Variants in ZFPL1 observed in about 807,000 individuals in gnomAD.
ZFPL1 encodes the protein zinc finger protein-like 1.
Under a neutral mutation model 32.0 loss-of-function variants are expected in ZFPL1, and 28 were observed. The ratio of observed to expected loss-of-function variants is 0.87; its 90% CI spans 0.65 to 1.20. ZFPL1 has a LOEUF of 1.20. Among genes scored for constraint, ZFPL1 ranks in the 50% most tolerant of loss-of-function variants. ZFPL1 has a pLI of 0.00. For missense variants in ZFPL1, 386 were observed against 424.8 expected, an observed-to-expected ratio of 0.91 and a Z score of 0.80; for synonymous variants, 165 against 177.0, an observed-to-expected ratio of 0.93 and a Z score of 0.54.
At chr11:65,085,687 C>T in intron 3 of ZFPL1, 1 of 227,408 alleles carries the variant, frequency 4.4e-6, no homozygotes, top group Non-Finnish European at 9.0e-6. Flanking sequence ...GGGTAAGAGC[C>T]TTAGCTCCAG....
chr11:65,087,905 T>C (rs757049892), intron 7 of ZFPL1, 23 bp from the exon 8 acceptor site: 7 of 1,539,908 alleles, frequency 4.5e-6, no homozygotes. Context: ...GGGCCTGACC[T>C]GATTTTCCCC....
chr11:65,085,843 ATG>A, intron 3 of ZFPL1: 1 of 194,722 alleles, frequency 5.1e-6, no homozygotes, highest in Admixed American at 5.3e-5. Context: ...GAATGGGTAA[ATG>A]TATGTATGTG....
chr11:65,087,365 C>T lies in ZFPL1; in HGVS notation c.678C>T (p.Leu226=). 6.2e-7 allele frequency: 1 copy of T among 1,614,090 alleles called. No homozygotes were observed. The highest frequency in any genetic ancestry group is 8.5e-7 in the Non-Finnish European group (1 of 1,180,006). Residue 226 remains leucine (L), a synonymous_variant, in exon 7 of 8, where the codon CTC becomes CTT. Coordinates refer to ENST00000294258, the MANE Select transcript of ZFPL1 (RefSeq NM_006782.4). ...DTRDDDRTPG[L]HGDCDDDKYR... ...GGGATGATGACCGGACACCAGGCCT[C>T]CATGGAGACTGTGACGATGACAAGT...
At position 65,086,595 on chromosome 11, in the gene ZFPL1, T is replaced by C; in HGVS notation, c.395T>C (p.Leu132Pro). 6.2e-7 allele frequency: 1 copy of C among 1,613,980 alleles called. No individual in the cohort carries two copies. The highest frequency in any genetic ancestry group is 8.5e-7 in the Non-Finnish European group (1 of 1,179,884). ...LATVNWARAG[L>P]GLPLIDEVVS... ...ACAGTCAACTGGGCCCGGGCAGGAC[T>C]GGGCCTCCCTCTGGTGAGAGTCCCT... Residue 132 changes from leucine to proline, a missense_variant, in exon 4 of 8, where the codon CTG becomes CCG. Leu to Pro is a moderately conservative substitution (Grantham distance 98). Coordinates refer to ENST00000294258, the MANE Select transcript of ZFPL1 (RefSeq NM_006782.4).
rs1947672272 is a variant in ZFPL1 at position 65,085,792 on chromosome 11, T to C, written c.214+566T>C. 4.5e-5 allele frequency: 9 copies of C among 197,992 alleles called. No individual in the cohort carries two copies. In the Admixed American group the frequency reaches 4.8e-4, roughly 11 times the overall value. The allele number at this position is 197,992 out of a possible 1,614,324, so 12.3% of individuals were successfully genotyped here. On this transcript the variant is annotated intron_variant, in intron 3 of 7. Transcript: ENST00000294258. ...CAGGCACTTAATGTACATTGTGTGT[T>C]TAAATGAGTGTTAGTGTGTTGATCT... is the stretch of plus-strand genomic sequence containing the variant.
Position 65,088,243 on chromosome 11 carries a change from C to T in ZFPL1, c.*129C>T. 11 of 1,279,796 alleles carry T rather than the reference C, an allele frequency of 8.6e-6. No individual in the cohort carries two copies. The highest frequency in any genetic ancestry group is 1.2e-5 in the Non-Finnish European group (11 of 927,508). 79.3% of individuals were successfully genotyped at this position (1,279,796 alleles called of 1,614,324 possible). On this transcript the variant is annotated 3_prime_UTR_variant, in exon 8 of 8. Transcript: ENST00000294258. ...AGCCTAAGACACTAAGACCCCAGACCCAAAGCCAAGTCCACCAGAGTGGCT... is the reference window on the plus strand; with the variant it reads ...AGCCTAAGACACTAAGACCCCAGACTCAAAGCCAAGTCCACCAGAGTGGCT...
intron 7 of ZFPL1, 109 bp downstream of exon 7, chr11:65,087,542 T>A: frequency 9.7e-7 from 1 of 1,026,828 alleles, no homozygotes; most frequent in Non-Finnish European, 1.5e-6. Context: ...TTCTGGGGAG[T>A]AACAGTACCT....
In ZFPL1 at chr11:65,087,447, G is replaced by A. The variant is rs775278800; in HGVS notation, c.746+14G>A. On this transcript the variant is annotated intron_variant, in intron 7 of 7. Transcript: ENST00000294258. ...CCGGCTGCTAAGGTACACAGGGTCA[G>A]GCAGGGCGGAATGCCAGGAAGGGGT... 3.1e-6 allele frequency: 5 copies of A among 1,613,162 alleles called. No homozygotes were observed. The East Asian group carries it at 6.7e-5, about 22-fold the overall frequency.
At position 65,087,954 on chromosome 11, in the gene ZFPL1, C is replaced by T. The variant is rs765473939; in HGVS notation, c.773C>T (p.Pro258Leu). Residue 258 changes from proline to leucine, a missense_variant, in exon 8 of 8, where the codon CCG (proline) becomes CTG (leucine). By Grantham distance (98) the Pro-to-Leu change is moderately conservative. Transcript: ENST00000294258. ...LRSRAGSRKR[P>L]LTLLQRAGLL... ...AGCCGGGCTGGGTCTCGGAAGCGGCCGCTGACCCTGCTCCAGCGGGCGGGG... is the reference window on the plus strand; with the variant it reads ...AGCCGGGCTGGGTCTCGGAAGCGGCTGCTGACCCTGCTCCAGCGGGCGGGG... 1.2e-5 allele frequency: 19 copies of T among 1,572,534 alleles called. No homozygotes were observed. Among genetic ancestry groups the T allele is most frequent in the Non-Finnish European group, 1.5e-5 (18 of 1,169,974 alleles).
At chr11:65,085,252 T>C (rs770883060) in intron 3 of ZFPL1, 26 bp downstream of exon 3, 6 of 1,605,600 alleles carry the variant, frequency 3.7e-6, no homozygotes, top group Non-Finnish European at 5.1e-6. Flanking sequence ...CTCGGGGGGA[T>C]CAGGCCAGCC....
At chr11:65,084,638 G>A in intron 1 of ZFPL1, 53 bp from the exon 2 acceptor site, 5 of 1,483,356 alleles carry the variant, frequency 3.4e-6, no homozygotes, top group Admixed American at 3.4e-5. Context: ...TGGTGAGAGC[G>A]TAGTGGTGGC....
Position 65,084,231 on chromosome 11 carries a change from G to A in ZFPL1, c.-156G>A. The A allele has an allele frequency of 3.4e-6, 2 of 582,600 alleles. No homozygotes were observed. Among genetic ancestry groups the A allele is most frequent in the Non-Finnish European group, 6.1e-6 (2 of 329,650 alleles). 36.1% of individuals were successfully genotyped at this position (582,600 alleles called of 1,614,324 possible). A position where few individuals can be genotyped will look rare whatever the true frequency, so the allele number is the denominator to read the frequency against. On this transcript the variant is annotated 5_prime_UTR_variant, in exon 1 of 8. Coordinates refer to ENST00000294258, the MANE Select transcript of ZFPL1 (RefSeq NM_006782.4). ...GCGCGCCGCACCCGGAAGAGACGTG[G>A]CAGCGGAGGGATAATCGGGGCGGCC...
In ZFPL1 at chr11:65,087,951, G is replaced by A. The variant is rs753950176; in HGVS notation, c.770G>A (p.Arg257Gln). 35 of 1,565,818 alleles carry A rather than the reference G, an allele frequency of 2.2e-5. No individual in the cohort carries two copies. Among genetic ancestry groups the A allele is most frequent in the Admixed American group, 8.3e-5 (4 of 48,470 alleles). ...AGGAGCCGGGCTGGGTCTCGGAAGCGGCCGCTGACCCTGCTCCAGCGGGCG... is the reference window on the plus strand; with the variant it reads ...AGGAGCCGGGCTGGGTCTCGGAAGCAGCCGCTGACCCTGCTCCAGCGGGCG... ...LLRSRAGSRKRPLTLLQRAGL... is the reference protein window; with the variant it reads ...LLRSRAGSRKQPLTLLQRAGL... Residue 257 changes from arginine to glutamine, a missense_variant, in exon 8 of 8, where the codon CGG becomes CAG. Transcript: ENST00000294258.
intron 3 of ZFPL1, 51 bp from the exon 4 acceptor site, chr11:65,086,364 C>T: frequency 6.2e-7 from 1 of 1,611,058 alleles, no homozygotes; most frequent in East Asian, 2.2e-5. Context: ...GCTAGGAGCC[C>T]TAAGTGTCTT....
rs137924741 is a variant in ZFPL1, at chr11:65,086,756, A to G, written c.445A>G (p.Asn149Asp). 43 of 1,614,108 alleles carry G rather than the reference A, an allele frequency of 2.7e-5. No individual in the cohort carries two copies. Among genetic ancestry groups the G allele is most frequent in the Admixed American group, 3.3e-5 (2 of 60,004 alleles). ...GGTGAGCCCAGAGCCCGAGCCCCTC[A>G]ACACGTCTGACTTCTCTGACTGGTC... ...EVVSPEPEPL[N>D]TSDFSDWSSF... is the part of the protein sequence containing the mutation. The change falls in exon 5 of 8, where the codon AAC (asparagine) becomes GAC (aspartate). Residue 149 changes from asparagine (N) to aspartate (D), a missense_variant. Asn to Asp is a conservative substitution (Grantham distance 23, BLOSUM62 1). Transcript: ENST00000294258.
chr11:65,085,998 TGA>T, intron 3 of ZFPL1: 1 of 194,826 alleles, frequency 5.1e-6, no homozygotes, highest in South Asian at 8.2e-5. Context: ...CACTTGTGTT[TGA>T]TTATGTGCTT....
intron 7 of ZFPL1, chr11:65,087,706 TC>T: frequency 1.6e-6 from 1 of 623,522 alleles, no homozygotes; most frequent in South Asian, 2.1e-5. Flanking sequence ...TTTGTAATTC[TC>T]CCCGACGTCT....
intron 7 of ZFPL1, 59 bp from the exon 8 acceptor site, chr11:65,087,869 C>A: frequency 6.7e-7 from 1 of 1,496,004 alleles, no homozygotes; most frequent in Non-Finnish European, 8.8e-7. Flanking sequence ...GGGCTTCTCT[C>A]CAGCCGCGGG....
Position 65,087,913 on chromosome 11 carries a change from C to T in ZFPL1, c.747-15C>T, listed in dbSNP as rs755299837. ...GGGACTGGGGCCTGACCTGATTTTCCCCTCATCCCCCCAGGAGCCGGGCTG... is the reference window on the plus strand; with the variant it reads ...GGGACTGGGGCCTGACCTGATTTTCTCCTCATCCCCCCAGGAGCCGGGCTG... On this transcript the variant is annotated splice_polypyrimidine_tract_variant and intron_variant, in intron 7 of 7. Coordinates refer to ENST00000294258, the MANE Select transcript of ZFPL1 (RefSeq NM_006782.4). 16 of 1,545,826 alleles carry T rather than the reference C, an allele frequency of 1.0e-5. No homozygotes were observed. The highest frequency in any genetic ancestry group is 1.3e-5 in the Non-Finnish European group (15 of 1,160,512).
Sources: allele counts gnomAD v4.1 joint callset, GRCh38; gene constraint gnomAD v4.1.1; transcripts MANE v1.5; gene names NCBI Gene and HGNC (gene_info 2026-07-23, HGNC 2026-07-21).